Variants in NEO1 observed in about 807,000 individuals in gnomAD.
The protein encoded by NEO1 is neogenin 1, also known as neogenin.
A neutral mutation model predicts 159.7 loss-of-function variants in NEO1; 63 were observed. That is an observed-to-expected ratio of 0.39 (90% CI 0.32 to 0.49). The LOEUF (loss-of-function observed/expected upper bound fraction) is 0.49. Ranked by LOEUF, NEO1 falls within the 20% of genes least tolerant of loss-of-function variation. The pLI, the probability that NEO1 is intolerant of heterozygous loss-of-function variation, is 0.85. For missense variants in NEO1, 1,615 were observed against 1,831.0 expected (o/e 0.88, Z 2.15); for synonymous variants, 633 against 662.0 (o/e 0.96, Z 0.67).
chr15:73,211,543 C>T (rs982250577), intron 7 of NEO1, among the ~76,000 whole-genome samples: 25 of 152,202 alleles, frequency 1.6e-4, no homozygotes, highest in African/African-American at 5.8e-4. Flanking sequence ...GGTGAAACCC[C>T]GTCTCTACTA....
intron 1 of NEO1, among the ~76,000 whole-genome samples, chr15:73,084,389 A>G (rs1328843525): frequency 1.3e-5 from 2 of 152,174 alleles, no homozygotes; most frequent in African/African-American, 4.8e-5. Flanking sequence ...CATTTAAGTG[A>G]CATCATGCAG....
chr15:73,136,220 TC>T lies in NEO1; in HGVS notation c.1015+194del, dbSNP rs1173791728. On this transcript the variant is annotated intron_variant, in intron 5 of 28. Transcript: ENST00000261908. ...ATGACTATAGGAAACTTATTTAATT[TC>T]TCTCAACCTCATTTTCCTCAGCTGT... Among the ~76,000 whole-genome samples the T allele has an allele frequency of 2.0e-5, 3 of 152,188 alleles. No individual in the cohort carries two copies. In the East Asian group the frequency reaches 5.8e-4, roughly 29 times the overall value.
intron 11 of NEO1, among the ~76,000 whole-genome samples, chr15:73,252,278 G>A (rs1373642118): frequency 6.6e-6 from 1 of 152,220 alleles, no homozygotes; most frequent in Non-Finnish European, 1.5e-5. Flanking sequence ...TCAGCAATTT[G>A]TAAGTGCAGA....
At chr15:73,094,791 A>C (rs1017993222) in intron 1 of NEO1, among the ~76,000 whole-genome samples, 1 of 152,030 alleles carries the variant, frequency 6.6e-6, no homozygotes, top group Non-Finnish European at 1.5e-5. Flanking sequence ...TTGGATCTAG[A>C]GATTTGATCA....
At chr15:73,289,293 G>A in intron 25 of NEO1, 55 bp downstream of exon 25, 1 of 1,413,542 alleles carries the variant, frequency 7.1e-7, no homozygotes, top group Non-Finnish European at 1.0e-6. Flanking sequence ...GTCATGTAGG[G>A]GAACAACTAT....
intron 14 of NEO1, 36 bp from the exon 15 acceptor site, chr15:73,260,235 T>C: frequency 2.5e-6 from 4 of 1,579,844 alleles, no homozygotes; most frequent in Non-Finnish European, 3.5e-6. Flanking sequence ...TAAAGGACAG[T>C]ATATCTCATC....
intron 3 of NEO1, among the ~76,000 whole-genome samples, chr15:73,124,105 C>T (rs969587695): frequency 7.2e-5 from 11 of 152,126 alleles, no homozygotes; most frequent in African/African-American, 2.4e-4. Context: ...CTCTGTAACC[C>T]GGGCTAGAGT....
chr15:73,300,109 A>C (rs1313587579), intron 27 of NEO1: 1 of 152,256 alleles, frequency 6.6e-6, no homozygotes, highest in African/African-American at 2.4e-5. Context: ...GGTCCACTAC[A>C]TTATGCAAAT....
chr15:73,236,395 C>G lies in NEO1; in HGVS notation c.1340C>G (p.Ala447Gly). Residue 447 changes from alanine (A) to glycine (G), a missense_variant, in exon 8 of 29, where the codon GCC becomes GGC. This residue lies in a region of NEO1 where 1,018 missense variants were observed against 1,115.4 expected (regional missense o/e 0.91). Transcript: ENST00000261908. Reference sequence around the variant, plus strand: ...CCTTCAGCTCCTCGGGATGTCGTGGCCTCCCTGGTCTCTACCCGCTTCATC... The same window carrying G: ...CCTTCAGCTCCTCGGGATGTCGTGGGCTCCCTGGTCTCTACCCGCTTCATC... Reference protein sequence around the residue: ...PLPSAPRDVVASLVSTRFIKL... With the variant: ...PLPSAPRDVVGSLVSTRFIKL... The G allele has an allele frequency of 6.2e-7, 1 of 1,614,128 alleles. No individual in the cohort carries two copies. The highest frequency in any genetic ancestry group is 8.5e-7 in the Non-Finnish European group (1 of 1,180,026).
intron 7 of NEO1, among the ~76,000 whole-genome samples, chr15:73,187,526 A>G (rs1272066683): frequency 1.3e-5 from 2 of 152,202 alleles, no homozygotes; most frequent in Admixed American, 6.6e-5. Flanking sequence ...GTGGTTGGCA[A>G]ACTTTCTGTT....
chr15:73,266,469 A>C, intron 16 of NEO1, 58 bp downstream of exon 16: 2 of 1,372,500 alleles, frequency 1.5e-6, no homozygotes, highest in Non-Finnish European at 2.0e-6. Context: ...TAGGCAGAAT[A>C]TTGGCATGAG....
chr15:73,113,982 G>T (rs1430838855), intron 1 of NEO1, among the ~76,000 whole-genome samples: 3 of 152,072 alleles, frequency 2.0e-5, no homozygotes, highest in Non-Finnish European at 4.4e-5. Flanking sequence ...GGTACCAGGA[G>T]CCAAGCAAGT....
At chr15:73,183,558 C>T (rs1162753467) in intron 7 of NEO1, among the ~76,000 whole-genome samples, 1 of 152,084 alleles carries the variant, frequency 6.6e-6, no homozygotes, top group Non-Finnish European at 1.5e-5. Context: ...TACCTAAGAC[C>T]GATACAAATA....
At chr15:73,256,558 C>G (rs2040360863) in intron 13 of NEO1, among the ~76,000 whole-genome samples, 1 of 152,084 alleles carries the variant, frequency 6.6e-6, no homozygotes. Flanking sequence ...ATTGAGAGAG[C>G]CATTGATAGT....
At chr15:73,170,683 T>C (rs2034898963) in intron 5 of NEO1, among the ~76,000 whole-genome samples, 1 of 152,202 alleles carries the variant, frequency 6.6e-6, no homozygotes, top group African/African-American at 2.4e-5. Context: ...GGAGAGGATA[T>C]TAGAAAACCA....
intron 22 of NEO1, among the ~76,000 whole-genome samples, chr15:73,282,003 C>T (rs1482960485): frequency 1.3e-5 from 2 of 152,210 alleles, no homozygotes; most frequent in Non-Finnish European, 2.9e-5. Flanking sequence ...TGCAGCTTTT[C>T]CAGCCTTATC....
At chr15:73,266,196 T>C in intron 15 of NEO1, 120 bp from the exon 16 acceptor site, 1 of 677,366 alleles carries the variant, frequency 1.5e-6, no homozygotes, top group Non-Finnish European at 2.4e-6. Flanking sequence ...TAATCCCCCA[T>C]AAAAATTTTT....
intron 5 of NEO1, chr15:73,161,804 T>G (rs1204925592): frequency 6.7e-6 from 2 of 299,988 alleles, no homozygotes; most frequent in Non-Finnish European, 1.3e-5. Flanking sequence ...CCAGAGATCT[T>G]GAATTACCTC....
chr15:73,084,050 A>G (rs1001325124), intron 1 of NEO1, among the ~76,000 whole-genome samples: 3 of 152,168 alleles, frequency 2.0e-5, no homozygotes, highest in African/African-American at 7.2e-5. Flanking sequence ...TAAAATATAT[A>G]GGGATTGTGG....
Sources: gnomAD v4.1 joint callset for allele counts (sites outside exome capture counted in the v4.1 genomes callset) on GRCh38, gnomAD v4.1.1 for gene constraint, gnomAD v4.1.1 regional missense constraint, MANE v1.5 for transcripts, NCBI Gene and HGNC (gene_info 2026-07-23, HGNC 2026-07-21) for gene names.